The following ATP2B2 variants were observed in gnomAD, a reference collection of about 807,000 sequenced individuals.
The protein encoded by ATP2B2 is ATPase plasma membrane Ca2+ transporting 2, also known as plasma membrane calcium-transporting ATPase 2.
Under a neutral mutation model 120.0 loss-of-function variants are expected in ATP2B2, and 15 were observed. That is an observed-to-expected ratio of 0.12 (90% CI 0.08 to 0.19). The LOEUF (loss-of-function observed/expected upper bound fraction) is 0.19, where lower values mean the gene tolerates loss of function less well. ATP2B2 is among the 10% of genes least tolerant of loss of function. The pLI is 1.00. For synonymous variants in ATP2B2, 694 were observed against 700.3 expected (o/e 0.99, Z 0.14); for missense variants, 1,045 against 1,719.8 (o/e 0.61, Z 6.94).
At chr3:10,672,138 C>T (rs949580254) in intron 1 of ATP2B2, among the ~76,000 whole-genome samples, 1 of 152,152 alleles carries the variant, frequency 6.6e-6, no homozygotes, top group African/African-American at 2.4e-5. Context: ...GGAGATAATA[C>T]GCCTCCACTG....
intron 12 of ATP2B2, among the ~76,000 whole-genome samples, chr3:10,368,032 G>A (rs540756467): frequency 3.0e-4 from 45 of 152,272 alleles, no homozygotes; most frequent in African/African-American, 1.0e-3. Flanking sequence ...CCTGAGCTAG[G>A]TATTGGAACA....
At chr3:10,426,910 G>A (rs993395372) in intron 2 of ATP2B2, among the ~76,000 whole-genome samples, 2 of 151,994 alleles carry the variant, frequency 1.3e-5, no homozygotes, top group Non-Finnish European at 2.9e-5. Context: ...TGGTGATGAA[G>A]CAAATCAGAA....
At chr3:10,589,698 C>A (rs1575530378) in intron 2 of ATP2B2, among the ~76,000 whole-genome samples, 1 of 152,172 alleles carries the variant, frequency 6.6e-6, no homozygotes, top group Admixed American at 6.5e-5. Context: ...GTGCCCAGCA[C>A]TTGTGAGGTA....
chr3:10,431,579 T>A (rs1388613323), intron 2 of ATP2B2, among the ~76,000 whole-genome samples: 1 of 152,208 alleles, frequency 6.6e-6, no homozygotes, highest in Non-Finnish European at 1.5e-5. Flanking sequence ...TGGATGCCTA[T>A]ACTTGCTTTT....
intron 1 of ATP2B2, among the ~76,000 whole-genome samples, chr3:10,625,170 C>G (rs552449349): frequency 2.6e-5 from 4 of 152,232 alleles, no homozygotes; most frequent in Non-Finnish European, 4.4e-5. Flanking sequence ...TCTGGCTGCA[C>G]GAGGCCACCT....
At chr3:10,589,788 T>C (rs2068598700) in intron 2 of ATP2B2, among the ~76,000 whole-genome samples, 1 of 152,156 alleles carries the variant, frequency 6.6e-6, no homozygotes, top group Non-Finnish European at 1.5e-5. Flanking sequence ...ATCCCAAGTG[T>C]GGGTGAGGAT....
chr3:10,664,265 T>C (rs964257406), intron 1 of ATP2B2, among the ~76,000 whole-genome samples: 1 of 152,162 alleles, frequency 6.6e-6, no homozygotes, highest in South Asian at 2.1e-4. Flanking sequence ...TAGAAACCAC[T>C]TCCTGGAAGC....
At chr3:10,547,676 T>C (rs763335643) in intron 2 of ATP2B2, among the ~76,000 whole-genome samples, 1 of 152,126 alleles carries the variant, frequency 6.6e-6, no homozygotes, top group Non-Finnish European at 1.5e-5. Flanking sequence ...GGAAGACAGA[T>C]CCTTGTTCTC....
At chr3:10,445,371 G>A (rs1267493594) in intron 2 of ATP2B2, among the ~76,000 whole-genome samples, 1 of 144,632 alleles carries the variant, frequency 6.9e-6, no homozygotes, top group African/African-American at 2.9e-5. Flanking sequence ...TAATGTCCTT[G>A]GCTGAAACAG....
intron 2 of ATP2B2, among the ~76,000 whole-genome samples, chr3:10,439,382 C>G (rs28529564): frequency 0.13 from 19,093 of 152,192 alleles, 2,522 homozygotes; most frequent in African/African-American, 0.32. Context: ...CTGGTCTCCG[C>G]CCCTGCCCAG....
At chr3:10,644,791 G>A (rs1038540614) in intron 1 of ATP2B2, among the ~76,000 whole-genome samples, 14 of 152,170 alleles carry the variant, frequency 9.2e-5, no homozygotes, top group African/African-American at 3.4e-4. Flanking sequence ...TTCTTTTGGG[G>A]TGATGGAAAT....
At chr3:10,357,497 G>A (rs1027214529) in intron 14 of ATP2B2, among the ~76,000 whole-genome samples, 1 of 152,172 alleles carries the variant, frequency 6.6e-6, no homozygotes, top group Non-Finnish European at 1.5e-5. Context: ...GGAACTTGGA[G>A]GTCATCTTGT....
upstream of ATP2B2, among the ~76,000 whole-genome samples, chr3:10,505,936 G>T (rs1238799247): frequency 6.6e-6 from 1 of 152,156 alleles, no homozygotes; most frequent in East Asian, 1.9e-4. Flanking sequence ...CAAGGGCACG[G>T]AGAGGGTAGG....
At position 10,338,266 on chromosome 3, in the gene ATP2B2, G is replaced by C; in HGVS notation, c.3330C>G (p.Asn1110Lys). The change falls in exon 22 of 23, where the codon AAC (asparagine) becomes AAG (lysine). Residue 1110 changes from asparagine to lysine, a missense_variant. This residue lies in a region of ATP2B2 where 211 missense variants were observed against 385.1 expected (regional missense o/e 0.55). Transcript: ENST00000360273. ...CGTGGTCGATCTCCTCCACGTCCTC[G>C]TTGAGCTCCTCCTCCGGGATCTCCT... ...QKEEIPEEEL[N>K]EDVEEIDHAE... 1 of 1,614,114 alleles carries C rather than the reference G, an allele frequency of 6.2e-7. No individual in the cohort carries two copies. Among genetic ancestry groups the C allele is most frequent in the Non-Finnish European group, 8.5e-7 (1 of 1,179,980 alleles).
intron 1 of ATP2B2, among the ~76,000 whole-genome samples, chr3:10,647,413 G>A (rs1045511145): frequency 1.3e-5 from 2 of 152,148 alleles, no homozygotes; most frequent in East Asian, 1.9e-4. Context: ...TTCTTCTCTC[G>A]CTTCCCCTAA....
rs111833253 is a variant in ATP2B2 at position 10,675,595 on chromosome 3, C to T, written c.-460+32320G>A. Among the ~76,000 whole-genome samples the T allele has an allele frequency of 5.3e-5, 8 of 152,286 alleles. No homozygotes were observed. In the South Asian group the frequency reaches 8.3e-4, roughly 16 times the overall value. ...GAGCAGCAACCACCACCAGGAGTTC[C>T]GGTGTAGCCCAGGGTGCCTGTGACT... On this transcript the variant is annotated intron_variant, in intron 1 of 21. Coordinates refer to the ATP2B2 transcript ENST00000646379.
At chr3:10,467,066 A>G (rs1026280432) in intron 1 of ATP2B2, among the ~76,000 whole-genome samples, 3 of 152,166 alleles carry the variant, frequency 2.0e-5, no homozygotes, top group Admixed American at 2.0e-4. Flanking sequence ...GTTGGGCTAG[A>G]TGGCTTCTAA....
chr3:10,643,782 G>C (rs763070285), intron 1 of ATP2B2, among the ~76,000 whole-genome samples: 1 of 152,144 alleles, frequency 6.6e-6, no homozygotes, highest in Non-Finnish European at 1.5e-5. Context: ...ACCAAATGCA[G>C]TATCTGATCC....
intron 3 of ATP2B2, among the ~76,000 whole-genome samples, chr3:10,530,416 G>A (rs937923095): frequency 1.3e-5 from 2 of 152,200 alleles, no homozygotes; most frequent in African/African-American, 4.8e-5. Flanking sequence ...GAGGGGAGAC[G>A]ACCTGCGGCC....
Sources: allele counts gnomAD v4.1 joint callset (sites outside exome capture counted in the v4.1 genomes callset), GRCh38; gene constraint gnomAD v4.1.1; regional missense constraint gnomAD v4.1.1; transcripts MANE v1.5; gene names NCBI Gene and HGNC (gene_info 2026-07-23, HGNC 2026-07-21).